EVA1A: variants seen among roughly 807,000 people sequenced by gnomAD.
EVA1A encodes protein eva-1 homolog A.
EVA1A carries 7 observed loss-of-function variants against 9.8 expected under a neutral mutation model. The observed-to-expected ratio is 0.71, with a 90% confidence interval of 0.41 to 1.34. The LOEUF (loss-of-function observed/expected upper bound fraction) is 1.34, where lower values mean the gene tolerates loss of function less well. Ranked by LOEUF, EVA1A falls within the 40% of genes most tolerant of loss-of-function variation. EVA1A has a pLI of 0.01. For missense variants in EVA1A, 206 were observed against 205.9 expected (o/e 1.00, Z 0.00); for synonymous variants, 90 against 85.6 (o/e 1.05, Z -0.28).
upstream of EVA1A, among the ~76,000 whole-genome samples, chr2:75,562,375 G>C (rs1237225492): frequency 6.6e-6 from 1 of 152,142 alleles, no homozygotes; most frequent in South Asian, 2.1e-4. Context: ...TACAGCCAGA[G>C]ATGAGAGCCA....
chr2:75,547,656 A>T (rs1363715711), intron 1 of EVA1A, among the ~76,000 whole-genome samples: 2 of 152,098 alleles, frequency 1.3e-5, no homozygotes, highest in East Asian at 3.9e-4. Flanking sequence ...CAGTCCTGTC[A>T]TTTTCACTTT....
intron 1 of EVA1A, among the ~76,000 whole-genome samples, chr2:75,525,742 G>T (rs6749976): frequency 0.027 from 4,066 of 152,270 alleles, 166 homozygotes; most frequent in African/African-American, 0.092. Flanking sequence ...AAAAATCTTT[G>T]TCTTGATTTG....
chr2:75,520,542 C>CAT (rs958628078), intron 2 of EVA1A, among the ~76,000 whole-genome samples: 3 of 152,068 alleles, frequency 2.0e-5, no homozygotes, highest in Admixed American at 6.5e-5. Flanking sequence ...TAAACCCTTA[C>CAT]ATATATATAT....
intron 3 of EVA1A, among the ~76,000 whole-genome samples, chr2:75,515,740 G>A (rs1674979754): frequency 6.6e-6 from 1 of 152,092 alleles, no homozygotes; most frequent in African/African-American, 2.4e-5. Context: ...AAATGATCTT[G>A]AGAAGAAAGT....
At chr2:75,512,301 G>GAA (rs761423630) in intron 3 of EVA1A, among the ~76,000 whole-genome samples, 1 of 151,994 alleles carries the variant, frequency 6.6e-6, no homozygotes, top group African/African-American at 2.4e-5. Context: ...AATTAAAAAA[G>GAA]AAATCTTAAG....
In EVA1A at chr2:75,520,170, C is replaced by T. The variant is rs182306936; in HGVS notation, c.-68-1962G>A. Among the ~76,000 whole-genome samples, 10 of 152,200 alleles carry T rather than the reference C, an allele frequency of 6.6e-5. No individual in the cohort carries two copies. The East Asian group carries it at 1.9e-3, about 29-fold the overall frequency. ...ACAATACTAGATTACTTTTAGTTCC[C>T]CCAAGTAGAGCAAGCTCTTTCACCT... On this transcript the variant is annotated intron_variant, in intron 2 of 3. Transcript: ENST00000393913.
chr2:75,513,603 A>G (rs552470211), intron 3 of EVA1A, among the ~76,000 whole-genome samples: 1 of 152,220 alleles, frequency 6.6e-6, no homozygotes, highest in Non-Finnish European at 1.5e-5. Context: ...TTGTAGCCCT[A>G]TTCATAATAG....
intron 1 of EVA1A, among the ~76,000 whole-genome samples, chr2:75,559,887 C>T (rs1676862095): frequency 6.6e-6 from 1 of 152,064 alleles, no homozygotes; most frequent in African/African-American, 2.4e-5. Flanking sequence ...GTAAGAGTCC[C>T]TACACACAGG....
chr2:75,528,348 C>T (rs562748857), intron 1 of EVA1A, among the ~76,000 whole-genome samples: 4 of 152,292 alleles, frequency 2.6e-5, no homozygotes, highest in African/African-American at 9.6e-5. Flanking sequence ...GCCCTGCTTG[C>T]TTTCTCAGCA....
intron 3 of EVA1A, among the ~76,000 whole-genome samples, chr2:75,508,124 T>C (rs1674682704): frequency 6.6e-6 from 1 of 152,196 alleles, no homozygotes; most frequent in African/African-American, 2.4e-5. Context: ...GGAGGATGTA[T>C]GTCACCTCAG....
intron 1 of EVA1A, among the ~76,000 whole-genome samples, chr2:75,528,006 T>C (rs1251873157): frequency 6.6e-6 from 1 of 152,238 alleles, no homozygotes; most frequent in Non-Finnish European, 1.5e-5. Flanking sequence ...AAGAAGGATT[T>C]AACTTTACCT....
At chr2:75,534,219 A>G (rs1271965086) in intron 1 of EVA1A, among the ~76,000 whole-genome samples, 1 of 152,144 alleles carries the variant, frequency 6.6e-6, no homozygotes, top group African/African-American at 2.4e-5. Flanking sequence ...AGCTTGGGCA[A>G]CAGAGAGAGA....
intron 1 of EVA1A, among the ~76,000 whole-genome samples, chr2:75,531,233 A>G (rs1675636886): frequency 6.6e-6 from 1 of 152,202 alleles, no homozygotes; most frequent in South Asian, 2.1e-4. Flanking sequence ...AATAGCCATA[A>G]TTTAAAAATC....
At chr2:75,546,395 AAAG>A (rs1676328894) in intron 1 of EVA1A, among the ~76,000 whole-genome samples, 1 of 152,182 alleles carries the variant, frequency 6.6e-6, no homozygotes, top group African/African-American at 2.4e-5. Context: ...CCAAGTAGGG[AAAG>A]AAGAGGCTGG....
intron 1 of EVA1A, among the ~76,000 whole-genome samples, chr2:75,538,886 T>C (rs940604794): frequency 2.0e-5 from 3 of 152,202 alleles, no homozygotes; most frequent in African/African-American, 7.2e-5. Context: ...AACGGCAACA[T>C]GAGAAATCCT....
chr2:75,504,629 C>T (rs1037475637), intron 3 of EVA1A, among the ~76,000 whole-genome samples: 1 of 152,138 alleles, frequency 6.6e-6, no homozygotes. Context: ...TTTAAATTCA[C>T]TCATTTCAGT....
chr2:75,530,360 C>G (rs1675600485), intron 1 of EVA1A, among the ~76,000 whole-genome samples: 1 of 152,030 alleles, frequency 6.6e-6, no homozygotes, highest in African/African-American at 2.4e-5. Context: ...TAAAACTATT[C>G]CAAAAGATAG....
intron 1 of EVA1A, among the ~76,000 whole-genome samples, chr2:75,556,063 A>G (rs566897218): frequency 2.3e-4 from 35 of 152,308 alleles, no homozygotes; most frequent in African/African-American, 7.5e-4. Flanking sequence ...CATGGACTGC[A>G]ATCTTAATGG....
intron 1 of EVA1A, among the ~76,000 whole-genome samples, chr2:75,548,281 CA>C (rs1172738166): frequency 6.6e-6 from 1 of 152,214 alleles, no homozygotes; most frequent in Non-Finnish European, 1.5e-5. Context: ...TACAGGCTCA[CA>C]TCACCATGCC....
Sources: gnomAD v4.1 joint callset for allele counts (sites outside exome capture counted in the v4.1 genomes callset) on GRCh38, gnomAD v4.1.1 for gene constraint, MANE v1.5 for transcripts, NCBI Gene and HGNC (gene_info 2026-07-23, HGNC 2026-07-21) for gene names.